The following RANBP9 variants were observed in gnomAD, a reference collection of about 807,000 sequenced individuals.
The protein encoded by RANBP9 is RAN binding protein 9, also known as ran-binding protein 9.
A neutral mutation model predicts 84.3 loss-of-function variants in RANBP9; 15 were observed. That is an observed-to-expected ratio of 0.18 (90% confidence interval 0.12 to 0.27). The LOEUF (loss-of-function observed/expected upper bound fraction) is 0.27, where lower values mean the gene tolerates loss of function less well. RANBP9 is among the 10% of genes least tolerant of loss of function. The probability of loss-of-function intolerance (pLI) is 1.00; values close to 1 mark genes in which losing one functional copy is unlikely to be tolerated. For synonymous variants in RANBP9, 392 were observed against 349.6 expected (o/e 1.12, Z -1.35); for missense variants, 809 against 912.8 (o/e 0.89, Z 1.46).
intron 10 of RANBP9, among the ~76,000 whole-genome samples, chr6:13,637,437 G>A (rs775995604): frequency 5.3e-5 from 8 of 152,146 alleles, no homozygotes; most frequent in Non-Finnish European, 7.4e-5. Flanking sequence ...TTATGTCACC[G>A]TTCAAGGTTA....
At chr6:13,645,520 A>C (rs1765159944) in intron 5 of RANBP9, among the ~76,000 whole-genome samples, 1 of 152,184 alleles carries the variant, frequency 6.6e-6, no homozygotes, top group Admixed American at 6.5e-5. Flanking sequence ...AGGCAGAATG[A>C]GTTTCTGAGT....
intron 3 of RANBP9, among the ~76,000 whole-genome samples, chr6:13,657,921 GTTTC>G (rs1462822711): frequency 2.0e-5 from 3 of 152,144 alleles, no homozygotes; most frequent in Non-Finnish European, 4.4e-5. Flanking sequence ...GTCTTGGTTT[GTTTC>G]TTTAAGGTAC....
intron 2 of RANBP9, among the ~76,000 whole-genome samples, chr6:13,677,690 A>G (rs144296092): frequency 6.6e-6 from 1 of 152,330 alleles, no homozygotes; most frequent in East Asian, 1.9e-4. Flanking sequence ...ATGAACATAT[A>G]CCCATTTTTT....
chr6:13,672,048 C>T (rs777087631), intron 2 of RANBP9, among the ~76,000 whole-genome samples: 4 of 152,136 alleles, frequency 2.6e-5, no homozygotes, highest in Non-Finnish European at 4.4e-5. Flanking sequence ...TAGCAAACTG[C>T]TGGAGACTGA....
intron 2 of RANBP9, among the ~76,000 whole-genome samples, chr6:13,692,548 A>AC (rs1766350578): frequency 2.7e-5 from 4 of 145,572 alleles, no homozygotes; most frequent in Non-Finnish European, 4.5e-5. Context: ...AAAAAAAAAA[A>AC]AAAAAACACA....
intron 2 of RANBP9, among the ~76,000 whole-genome samples, chr6:13,663,721 A>C (rs1272368839): frequency 6.6e-6 from 1 of 152,174 alleles, no homozygotes; most frequent in African/African-American, 2.4e-5. Context: ...ATTACTAGAT[A>C]GTGTTTAACC....
chr6:13,645,657 C>A (rs985539618), intron 5 of RANBP9, among the ~76,000 whole-genome samples: 3 of 152,102 alleles, frequency 2.0e-5, no homozygotes, highest in African/African-American at 7.2e-5. Context: ...TAACAAATGG[C>A]AGAGATGGAA....
At chr6:13,659,493 T>C (rs1041949011) in intron 2 of RANBP9, among the ~76,000 whole-genome samples, 4 of 152,142 alleles carry the variant, frequency 2.6e-5, no homozygotes, top group African/African-American at 9.7e-5. Context: ...CAAGGGAAGA[T>C]TATTAAGGTA....
chr6:13,710,742 G>T (rs1476745904), intron 1 of RANBP9, among the ~76,000 whole-genome samples, 193 bp downstream of exon 1: 1 of 152,176 alleles, frequency 6.6e-6, no homozygotes, highest in Non-Finnish European at 1.5e-5. Flanking sequence ...CCTTTTCCAA[G>T]AATCTCGCCC....
At chr6:13,637,603 G>A (rs1764969480) in intron 10 of RANBP9, among the ~76,000 whole-genome samples, 1 of 152,152 alleles carries the variant, frequency 6.6e-6, no homozygotes, top group Non-Finnish European at 1.5e-5. Context: ...AGAAGAGGAA[G>A]AAACTAAGGA....
At chr6:13,657,602 T>C (rs1339024894) in intron 3 of RANBP9, among the ~76,000 whole-genome samples, 2 of 152,124 alleles carry the variant, frequency 1.3e-5, no homozygotes, top group African/African-American at 4.8e-5. Context: ...ACCAAAATAA[T>C]TTTGTTTTGA....
chr6:13,700,627 C>A (rs1757944820), intron 1 of RANBP9, among the ~76,000 whole-genome samples: 1 of 152,218 alleles, frequency 6.6e-6, no homozygotes, highest in South Asian at 2.1e-4. Context: ...CACATTTACA[C>A]ACTTAACACT....
chr6:13,681,681 T>C (rs1766041252), intron 2 of RANBP9, among the ~76,000 whole-genome samples: 1 of 152,170 alleles, frequency 6.6e-6, no homozygotes, highest in South Asian at 2.1e-4. Context: ...ATTTAACCAC[T>C]TCCTCTACTT....
chr6:13,706,879 G>A (rs1225758184), intron 1 of RANBP9, among the ~76,000 whole-genome samples: 1 of 151,664 alleles, frequency 6.6e-6, no homozygotes, highest in African/African-American at 2.4e-5. Flanking sequence ...CTAAGCGCCT[G>A]TAATCCCAGC....
chr6:13,656,155 A>G (rs768125399), intron 4 of RANBP9, among the ~76,000 whole-genome samples: 26 of 152,200 alleles, frequency 1.7e-4, no homozygotes, highest in Non-Finnish European at 3.5e-4. Context: ...GAAATAACAG[A>G]AAAAACAGCT....
intron 2 of RANBP9, among the ~76,000 whole-genome samples, chr6:13,685,688 G>C (rs1335959605): frequency 1.3e-5 from 2 of 152,132 alleles, no homozygotes; most frequent in Non-Finnish European, 2.9e-5. Context: ...CCAACACTTT[G>C]GGAGGCCTAG....
At chr6:13,646,117 T>C (rs140578161) in intron 5 of RANBP9, among the ~76,000 whole-genome samples, 41 of 152,132 alleles carry the variant, frequency 2.7e-4, no homozygotes, top group Non-Finnish European at 5.1e-4. Context: ...CCTAAAGACT[T>C]TATAGAAACA....
At chr6:13,705,711 A>G (rs1758092729) in intron 1 of RANBP9, among the ~76,000 whole-genome samples, 1 of 151,136 alleles carries the variant, frequency 6.6e-6, no homozygotes, top group South Asian at 2.1e-4. Flanking sequence ...AATACAAAAG[A>G]AATTAGCCAG....
At chr6:13,667,073 A>G (rs1765667185) in intron 2 of RANBP9, among the ~76,000 whole-genome samples, 1 of 152,214 alleles carries the variant, frequency 6.6e-6, no homozygotes, top group Non-Finnish European at 1.5e-5. Context: ...GAAATTTATT[A>G]TTGTGGTACT....
Sources: allele counts gnomAD v4.1 joint callset (sites outside exome capture counted in the v4.1 genomes callset), GRCh38; gene constraint gnomAD v4.1.1; transcripts MANE v1.5; gene names NCBI Gene and HGNC (gene_info 2026-07-23, HGNC 2026-07-21).